The following ATPAF2 variants were observed in gnomAD, a reference collection of about 807,000 sequenced individuals.
ATPAF2 encodes the protein ATP12 homolog.
In ATPAF2, 30 loss-of-function variants were observed where a neutral mutation model predicts 36.6. The ratio of observed to expected loss-of-function variants is 0.82; its 90% CI spans 0.61 to 1.11. The LOEUF (loss-of-function observed/expected upper bound fraction) is 1.11, where lower values mean the gene tolerates loss of function less well. Ranked by LOEUF, ATPAF2 falls within the 50% of genes most tolerant of loss-of-function variation. The pLI is 0.00. For missense variants in ATPAF2, 321 were observed against 372.3 expected (o/e 0.86, Z 1.13); for synonymous variants, 140 against 152.6 (o/e 0.92, Z 0.61).
At chr17:18,021,341 C>G in intron 6 of ATPAF2, 103 bp from the exon 7 acceptor site, 1 of 868,660 alleles carries the variant, frequency 1.2e-6, no homozygotes, top group Non-Finnish European at 1.9e-6. Flanking sequence ...GTGAGTGGTG[C>G]AAAGAGCCAT....
At chr17:18,036,302 G>A (rs1233401493) in intron 1 of ATPAF2, among the ~76,000 whole-genome samples, 3 of 152,128 alleles carry the variant, frequency 2.0e-5, no homozygotes, top group East Asian at 3.9e-4. Context: ...GGGGCCGGGC[G>A]CGGTGGCTCA....
intron 3 of ATPAF2, among the ~76,000 whole-genome samples, chr17:18,027,641 G>A (rs1176225949): frequency 6.6e-6 from 1 of 152,164 alleles, no homozygotes; most frequent in East Asian, 1.9e-4. Context: ...GTGTAGCTGG[G>A]CCCTTCCTTC....
chr17:18,018,518 T>C lies in ATPAF2; in HGVS notation c.*31A>G, dbSNP rs1342106326. Reference sequence around the variant, plus strand: ...CCGGGGGAGCTGTGGCTGCACTGCCTCTATCCTGCTGAGTGTGCTCTGCCC... The same window carrying C: ...CCGGGGGAGCTGTGGCTGCACTGCCCCTATCCTGCTGAGTGTGCTCTGCCC... On this transcript the variant is annotated 3_prime_UTR_variant, in exon 8 of 8. Transcript: ENST00000474627. The C allele has an allele frequency of 1.2e-6, 2 of 1,611,826 alleles. No individual in the cohort carries two copies. Among genetic ancestry groups the C allele is most frequent in the African/African-American group, 2.7e-5 (2 of 74,914 alleles).
chr17:18,036,953 C>A (rs2044711445), intron 1 of ATPAF2, among the ~76,000 whole-genome samples: 1 of 152,102 alleles, frequency 6.6e-6, no homozygotes, highest in Non-Finnish European at 1.5e-5. Context: ...CACCTGTAAT[C>A]CCAGCTACTT....
At chr17:18,019,448 C>T (rs1480405044) in intron 7 of ATPAF2, among the ~76,000 whole-genome samples, 1 of 152,274 alleles carries the variant, frequency 6.6e-6, no homozygotes, top group Non-Finnish European at 1.5e-5. Flanking sequence ...CAAGTGCCCC[C>T]CAGCGCCATG....
At chr17:18,031,686 A>G (rs2044638397) in intron 1 of ATPAF2, among the ~76,000 whole-genome samples, 2 of 152,124 alleles carry the variant, frequency 1.3e-5, no homozygotes, top group Non-Finnish European at 2.9e-5. Flanking sequence ...AGGCTGAGGC[A>G]GGAGAATGGC....
chr17:18,026,153 C>G (rs2044542125), intron 4 of ATPAF2, 166 bp downstream of exon 4: 3 of 714,050 alleles, frequency 4.2e-6, no homozygotes, highest in Non-Finnish European at 7.7e-6. Context: ...CCCGAGGAGT[C>G]CTCCTCCTAA....
chr17:18,035,417 G>A (rs2044690143), intron 1 of ATPAF2, among the ~76,000 whole-genome samples: 1 of 152,156 alleles, frequency 6.6e-6, no homozygotes, highest in East Asian at 1.9e-4. Flanking sequence ...AAAGGGTGCA[G>A]GTTTCTTTTA....
chr17:18,030,079 G>A (rs1485186681), intron 1 of ATPAF2, among the ~76,000 whole-genome samples: 1 of 151,570 alleles, frequency 6.6e-6, no homozygotes, highest in Non-Finnish European at 1.5e-5. Context: ...CCAGCACTTT[G>A]GGAGGCGGAG....
chr17:18,028,762 G>T, intron 1 of ATPAF2, 103 bp from the exon 2 acceptor site: 1 of 1,117,274 alleles, frequency 9.0e-7, no homozygotes, highest in Non-Finnish European at 1.4e-6. Context: ...TGATTGATTG[G>T]CTTGATTTTC....
intron 5 of ATPAF2, among the ~76,000 whole-genome samples, chr17:18,022,658 A>G (rs2044486146): frequency 7.0e-6 from 1 of 142,174 alleles, no homozygotes; most frequent in South Asian, 2.2e-4. Flanking sequence ...GCTGAAGTGC[A>G]GTGGCATGAT....
intron 1 of ATPAF2, among the ~76,000 whole-genome samples, chr17:18,030,575 G>A (rs2044615498): frequency 1.3e-5 from 2 of 148,854 alleles, no homozygotes; most frequent in Non-Finnish European, 3.0e-5. Context: ...AATAGACCAT[G>A]AAAATTCAGG....
downstream of ATPAF2, among the ~76,000 whole-genome samples, chr17:18,017,655 G>T (rs1228057082): frequency 1.3e-5 from 2 of 152,250 alleles, no homozygotes; most frequent in Non-Finnish European, 2.9e-5. Flanking sequence ...TGCATGGGAA[G>T]CGTGGAGAGG....
chr17:18,028,515 A>G, intron 2 of ATPAF2, 100 bp downstream of exon 2: 1 of 1,539,252 alleles, frequency 6.5e-7, no homozygotes, highest in Non-Finnish European at 8.9e-7. Flanking sequence ...AAAAAGCAGG[A>G]AGGATAATCG....
At chr17:18,032,602 C>T (rs2044651894) in intron 1 of ATPAF2, among the ~76,000 whole-genome samples, 1 of 152,186 alleles carries the variant, frequency 6.6e-6, no homozygotes, top group African/African-American at 2.4e-5. Flanking sequence ...TGTCTTGGAA[C>T]AAGCTTTGGT....
At chr17:18,027,909 A>G (rs2044571086) in intron 3 of ATPAF2, 1 of 389,766 alleles carries the variant, frequency 2.6e-6, no homozygotes, top group Non-Finnish European at 4.9e-6. Flanking sequence ...ACAATTATAA[A>G]TTGCCTAAGT....
chr17:18,018,411 C>CG lies in ATPAF2; in HGVS notation c.*137dup. 3 of 1,263,590 alleles carry CG rather than the reference C, an allele frequency of 2.4e-6. No homozygotes were observed. The highest frequency in any genetic ancestry group is 1.8e-5 in the Admixed American group (1 of 56,552). 78.3% of individuals were successfully genotyped at this position (1,263,590 alleles called of 1,614,324 possible). ...ACAGCCGTACTAGCGCACTGTGTCT[C>CG]GGGGGGAATCTCAGGGTGACGCTGA... On this transcript the variant is annotated 3_prime_UTR_variant, in exon 8 of 8. Transcript: ENST00000474627.
At chr17:18,026,572 T>C (rs1375741383) in intron 3 of ATPAF2, 156 bp from the exon 4 acceptor site, 1 of 692,148 alleles carries the variant, frequency 1.4e-6, no homozygotes, top group Non-Finnish European at 2.6e-6. Flanking sequence ...GCACAGCTAC[T>C]GAGAGTGTGC....
At chr17:18,015,536 A>T (rs1221273435), downstream of ATPAF2, 1 of 153,336 alleles carries the variant, frequency 6.5e-6, no homozygotes, top group Non-Finnish European at 1.5e-5. Flanking sequence ...AAGAGAAGGC[A>T]GAAGGATACT....
Sources: allele counts gnomAD v4.1 joint callset (sites outside exome capture counted in the v4.1 genomes callset), GRCh38; gene constraint gnomAD v4.1.1; transcripts MANE v1.5; gene names NCBI Gene and HGNC (gene_info 2026-07-23, HGNC 2026-07-21).